The following RBBP8 variants were observed in gnomAD, a reference collection of about 807,000 sequenced individuals.
RBBP8 encodes RB binding protein 8, endonuclease.
Under a neutral mutation model 108.3 loss-of-function variants are expected in RBBP8, and 88 were observed. The observed-to-expected ratio is 0.81, with a 90% CI of 0.68 to 0.97. The LOEUF (loss-of-function observed/expected upper bound fraction) is 0.97, where lower values mean the gene tolerates loss of function less well. Among genes scored for constraint, RBBP8 ranks in the 50% least tolerant of loss-of-function variants. The probability of loss-of-function intolerance (pLI) is 0.00; values close to 1 mark genes in which losing one functional copy is unlikely to be tolerated. For missense variants in RBBP8, 1,023 were observed against 1,049.0 expected (o/e 0.98, Z 0.34); for synonymous variants, 332 against 348.2 (o/e 0.95, Z 0.52).
intron 12 of RBBP8, among the ~76,000 whole-genome samples, 167 bp downstream of exon 12, chr18:22,994,014 C>CTTTTTTTTTTTTTTT (rs777055614): frequency 5.3e-5 from 4 of 75,104 alleles, no homozygotes; most frequent in Non-Finnish European, 6.8e-5. Context: ...TTTTTCTGTT[C>CTTTTTTTTTTTTTTT]TTTTTTTTTT....
intron 3 of RBBP8, among the ~76,000 whole-genome samples, chr18:22,946,865 G>A (rs12956837): frequency 0.49 from 74,595 of 151,906 alleles, 21,687 homozygotes; most frequent in Middle Eastern, 0.67. Context: ...GCTACAAGAC[G>A]AGGAGCAGAA....
At chr18:22,996,597 A>AAT in intron 13 of RBBP8, 135 bp downstream of exon 13, 2 of 1,429,210 alleles carry the variant, frequency 1.4e-6, no homozygotes, top group Non-Finnish European at 1.8e-6. Flanking sequence ...TTATGCAGAA[A>AAT]ATTAAGAAAT....
intron 16 of RBBP8, among the ~76,000 whole-genome samples, chr18:23,015,743 C>G (rs1411562525): frequency 6.6e-6 from 1 of 151,878 alleles, no homozygotes; most frequent in African/African-American, 2.4e-5. Flanking sequence ...GTGCGTGGCT[C>G]CTATGTAAAA....
intron 8 of RBBP8, among the ~76,000 whole-genome samples, chr18:22,987,626 G>A (rs957077988): frequency 3.3e-5 from 5 of 152,080 alleles, no homozygotes; most frequent in Admixed American, 2.6e-4. Flanking sequence ...GCTGATATTT[G>A]TATTTTTGTA....
exon 1 of RBBP8, chr18:22,914,274 C>T (rs947167609): frequency 6.6e-6 from 1 of 152,056 alleles, no homozygotes; most frequent in Non-Finnish European, 1.5e-5. Context: ...CTGCTTTTCA[C>T]CAAGAGCAGA....
rs755535054 is a variant in RBBP8 at position 23,016,883 on chromosome 18, A to G, written c.2413A>G (p.Arg805Gly). 16 of 1,613,856 alleles carry G rather than the reference A, an allele frequency of 9.9e-6. No individual in the cohort carries two copies. Among genetic ancestry groups the G allele is most frequent in the South Asian group, 4.4e-5 (4 of 91,076 alleles). ...HIEVVRKKEE[R>G]RKLLGHTCKE... is the part of the protein sequence containing the mutation. ...TGAGGTGGTTCGGAAAAAAGAGGAG[A>G]GAAGAAAACTGCTTGGGCACACGTG... The change falls in exon 17 of 19, where the codon AGA becomes GGA. Residue 805 changes from arginine to glycine, a missense_variant. Transcript: ENST00000327155.
chr18:22,999,556 A>T (rs1381004115), intron 14 of RBBP8, among the ~76,000 whole-genome samples: 1 of 152,192 alleles, frequency 6.6e-6, no homozygotes, highest in African/African-American at 2.4e-5. Flanking sequence ...AAGCGAAATG[A>T]ACAGGCCCTC....
chr18:22,937,223 C>T (rs1050772781), intron 2 of RBBP8: 3 of 474,018 alleles, frequency 6.3e-6, no homozygotes, highest in Non-Finnish European at 1.1e-5. Flanking sequence ...CCTCCACCCT[C>T]ATGTAGGTCC....
chr18:23,010,609 A>AT lies in RBBP8; in HGVS notation c.2357+4177_2357+4178insT, dbSNP rs141380000. ...TGAGACCCTGTCTCCAAAAAAAAAA[A>AT]GAACTGTCATTTTAAATGTTTCATG... On this transcript the variant is annotated intron_variant, in intron 16 of 18. Coordinates refer to ENST00000327155, the MANE Select transcript of RBBP8 (RefSeq NM_002894.3). Among the ~76,000 whole-genome samples, 1,278 of 152,254 alleles carry AT rather than the reference A, an allele frequency of 8.4e-3. 21 individuals carry two copies. Among genetic ancestry groups the AT allele is most frequent in the African/African-American group, 0.03 (1,230 of 41,528 alleles).
chr18:23,006,548 C>A (rs1598736624), intron 16 of RBBP8, 116 bp downstream of exon 16: 4 of 913,492 alleles, frequency 4.4e-6, no homozygotes, highest in East Asian at 5.4e-5. Flanking sequence ...GTCACCCAGG[C>A]TAGAGTGCAA....
intron 4 of RBBP8, among the ~76,000 whole-genome samples, chr18:22,964,229 T>C (rs1192734346): frequency 2.0e-5 from 3 of 152,100 alleles, no homozygotes; most frequent in Non-Finnish European, 1.5e-5. Flanking sequence ...CTATTCTGAT[T>C]TTTTATCTTT....
chr18:23,022,386 A>C, intron 18 of RBBP8, 116 bp downstream of exon 18: 1 of 990,556 alleles, frequency 1.0e-6, no homozygotes, highest in Non-Finnish European at 1.5e-6. Flanking sequence ...GGATCACCTG[A>C]GGTCAGGAGT....
chr18:22,933,817 C>T (rs1474616502), intron 1 of RBBP8: 1 of 152,230 alleles, frequency 6.6e-6, no homozygotes, highest in African/African-American at 2.4e-5. Context: ...GCCAAGCCCG[C>T]CCCGCGCATG....
chr18:22,993,368 A>G lies in RBBP8; in HGVS notation c.1541A>G (p.Asn514Ser). The G allele has an allele frequency of 6.2e-7, 1 of 1,614,244 alleles. No individual in the cohort carries two copies. Among genetic ancestry groups the G allele is most frequent in the Non-Finnish European group, 8.5e-7 (1 of 1,180,038 alleles). Residue 514 changes from asparagine (N) to serine (S), a missense_variant, in exon 11 of 19, where the codon AAC becomes AGC. Coordinates refer to ENST00000327155, the MANE Select transcript of RBBP8 (RefSeq NM_002894.3). ...EKSQGSETSK[N>S]KFRQVTLYEA... ...AGCCAAGGAAGTGAGACTTCTAAAA[A>G]CAAATTTAGGCAAGTGACTCTTTAT...
intron 6 of RBBP8, among the ~76,000 whole-genome samples, chr18:22,979,451 CT>C (rs1386127829): frequency 2.6e-5 from 4 of 152,040 alleles, no homozygotes; most frequent in Non-Finnish European, 5.9e-5. Flanking sequence ...AAGTGTAAAT[CT>C]TTTTTGGGAA....
intron 10 of RBBP8, among the ~76,000 whole-genome samples, chr18:22,991,466 G>A (rs1276153152): frequency 1.3e-5 from 2 of 152,098 alleles, no homozygotes; most frequent in East Asian, 1.9e-4. Flanking sequence ...CAGCCATTCC[G>A]TGATATCAGT....
intron 16 of RBBP8, among the ~76,000 whole-genome samples, chr18:23,016,420 T>A (rs964025349): frequency 5.3e-5 from 8 of 152,092 alleles, no homozygotes; most frequent in Non-Finnish European, 1.2e-4. Context: ...GGTACAGGCC[T>A]GTAATCCCAG....
intron 4 of RBBP8, among the ~76,000 whole-genome samples, chr18:22,967,939 G>T (rs1217519549): frequency 2.6e-5 from 4 of 151,970 alleles, no homozygotes. Context: ...GAGCCACTGT[G>T]CCCAGCCTGT....
intron 4 of RBBP8, among the ~76,000 whole-genome samples, chr18:22,964,373 G>T (rs1471787620): frequency 2.9e-5 from 4 of 139,500 alleles, no homozygotes; most frequent in Admixed American, 1.4e-4. Flanking sequence ...GGAGACTTAG[G>T]TTTTTTTTTT....
Sources: allele counts gnomAD v4.1 joint callset (sites outside exome capture counted in the v4.1 genomes callset), GRCh38; gene constraint gnomAD v4.1.1; transcripts MANE v1.5; gene names NCBI Gene and HGNC (gene_info 2026-07-23, HGNC 2026-07-21).